NFKBID: variants seen among roughly 807,000 people sequenced by gnomAD.
NFKBID encodes the protein NFKB inhibitor delta, also known as NF-kappa-B inhibitor delta.
In NFKBID, 26 loss-of-function variants were observed where a neutral mutation model predicts 53.4. The observed-to-expected ratio is 0.49, with a 90% CI of 0.36 to 0.68. The LOEUF (loss-of-function observed/expected upper bound fraction) is 0.68. NFKBID is among the 30% of genes least tolerant of loss of function. The pLI, the probability that NFKBID is intolerant of heterozygous loss-of-function variation, is 0.00. For missense variants in NFKBID, 493 were observed against 614.1 expected (o/e 0.80, Z 2.08); for synonymous variants, 262 against 259.8 (o/e 1.01, Z -0.08).
exon 2 of NFKBID, chr19:35,898,767 T>G (rs1975371694): frequency 3.3e-6 from 5 of 1,536,112 alleles, no homozygotes; most frequent in Admixed American, 2.0e-5. Context: ...GCCTCTGCTC[T>G]TCCAGAAGCT....
At chr19:35,900,419 C>A (rs1975497029) in intron 1 of NFKBID, 23 bp downstream of exon 1, 1 of 1,230,548 alleles carries the variant, frequency 8.1e-7, no homozygotes, top group East Asian at 3.2e-5. Context: ...GGGGGCCGAA[C>A]GCGTCCTGCC....
At chr19:35,898,875 T>A (rs1226540764) in intron 1 of NFKBID, 53 bp from the exon 2 acceptor site, 1 of 1,413,418 alleles carries the variant, frequency 7.1e-7, no homozygotes, top group East Asian at 2.5e-5. Context: ...GTCACCTAAA[T>A]GCCGCGGGGG....
exon 1 of NFKBID, chr19:35,900,472 C>G: frequency 8.1e-7 from 1 of 1,231,918 alleles, no homozygotes; most frequent in South Asian, 4.1e-5. Flanking sequence ...GATTGCGGGC[C>G]CCCAGGGCCG....
chr19:35,900,514 C>T (rs1975502635), exon 1 of NFKBID: 2 of 1,231,722 alleles, frequency 1.6e-6, no homozygotes, highest in Non-Finnish European at 2.0e-6. Flanking sequence ...CTCGCTGTTT[C>T]CCCCGCGGAG....
At chr19:35,890,287 A>C (rs1428939575) in intron 10 of NFKBID, 87 bp downstream of exon 10, 7 of 985,294 alleles carry the variant, frequency 7.1e-6, no homozygotes, top group Non-Finnish European at 1.1e-5. Flanking sequence ...CGTCCCCTCC[A>C]CGTCCACAGC....
At chr19:35,891,579 T>A (rs1974764078) in intron 9 of NFKBID, among the ~76,000 whole-genome samples, 1 of 151,762 alleles carries the variant, frequency 6.6e-6, no homozygotes, top group Non-Finnish European at 1.5e-5. Context: ...TAAAAAGTTC[T>A]TTTTTTTCGA....
upstream of NFKBID, chr19:35,901,893 G>A: frequency 2.2e-6 from 1 of 446,324 alleles, no homozygotes; most frequent in Non-Finnish European, 4.1e-6. Flanking sequence ...TGCTCTCAGG[G>A]GTCCCCTCCC....
At chr19:35,891,730 G>C (rs1331949237) in intron 9 of NFKBID, among the ~76,000 whole-genome samples, 10 of 152,054 alleles carry the variant, frequency 6.6e-5, no homozygotes, top group Admixed American at 6.5e-4. Flanking sequence ...AGCCAGGCGT[G>C]GTGGCACATG....
Position 35,896,742 on chromosome 19 carries a change from C to T in NFKBID, c.668G>A (p.Arg223His), listed in dbSNP as rs749441531. ...AAGCCTCACCTTGCCCTTATGCTCA[C>T]GAATGTCAAGACGCCGGTACACCTG... Residue 223 changes from arginine (R) to histidine (H), a missense_variant, in exon 6 of 12, where the codon CGT becomes CAT. Arg to His is a conservative substitution (Grantham distance 29, BLOSUM62 0). This residue lies in a region of NFKBID where 267 missense variants were observed against 384.6 expected (regional missense o/e 0.69). Coordinates refer to ENST00000641389, the Ensembl canonical transcript of NFKBID. This position sits in a 1 kb window ranked among gnomAD's most constrained non-coding sequence, Gnocchi z 5.7. The T allele has an allele frequency of 7.4e-6, 12 of 1,613,660 alleles. No homozygotes were observed. The highest frequency in any genetic ancestry group is 5.3e-5 in the African/African-American group (4 of 74,882).
upstream of NFKBID, among the ~76,000 whole-genome samples, chr19:35,901,126 C>G (rs1051963502): frequency 6.6e-6 from 1 of 151,766 alleles, no homozygotes; most frequent in African/African-American, 2.4e-5. Context: ...AGCCATGGTG[C>G]CTGGCTGGGG....
At chr19:35,892,543 C>CAAAAAAAAAAAAAAAA (rs112001334) in intron 9 of NFKBID, among the ~76,000 whole-genome samples, 2 of 112,270 alleles carry the variant, frequency 1.8e-5, no homozygotes, top group African/African-American at 6.8e-5. Context: ...GACTCCATCT[C>CAAAAAAAAAAAAAAAA]AAAAAAAAAA....
chr19:35,890,176 C>A, intron 10 of NFKBID, 122 bp from the exon 11 acceptor site: 1 of 1,057,108 alleles, frequency 9.5e-7, no homozygotes, highest in Middle Eastern at 2.2e-4. Context: ...CAGACCTCCC[C>A]CGGCCACAGC....
chr19:35,890,078 G>T lies in NFKBID; in HGVS notation c.1150-24C>A, dbSNP rs1441516834. 1.9e-6 allele frequency: 3 copies of T among 1,583,912 alleles called. No homozygotes were observed. In the Admixed American group the frequency reaches 5.5e-5, roughly 29 times the overall value. ...GCCTGGAAAAGTAAGGGGAGGGCTGGTGGGGATCTGGGCTCAGCTGGCCCA... is the reference window on the plus strand; with the variant it reads ...GCCTGGAAAAGTAAGGGGAGGGCTGTTGGGGATCTGGGCTCAGCTGGCCCA... On this transcript the variant is annotated intron_variant, in intron 10 of 11. Coordinates refer to ENST00000641389, the Ensembl canonical transcript of NFKBID.
chr19:35,890,496 G>T lies in NFKBID; in HGVS notation c.1033-6C>A. 6.2e-7 allele frequency: 1 copy of T among 1,603,744 alleles called. No homozygotes were observed. The highest frequency in any genetic ancestry group is 1.1e-5 in the South Asian group (1 of 90,848). On this transcript the variant is annotated splice_polypyrimidine_tract_variant and splice_region_variant and intron_variant, in intron 9 of 11. Coordinates refer to ENST00000641389, the Ensembl canonical transcript of NFKBID. ...GTCTTGTTGCTCTTGATCTCCTGAG[G>T]GGAAGGGAATGGCAGAGGTCAGGGC... is the stretch of plus-strand genomic sequence containing the variant.
upstream of NFKBID, chr19:35,901,453 G>C: frequency 6.6e-6 from 1 of 152,304 alleles, no homozygotes; most frequent in Admixed American, 6.5e-5. Flanking sequence ...AACTAAGCAG[G>C]CAGGAATTCC....
chr19:35,897,737 C>T (rs1975283458), exon 4 of NFKBID: 2 of 1,612,804 alleles, frequency 1.2e-6, no homozygotes, highest in South Asian at 1.1e-5. Context: ...GCAGCAGAAG[C>T]AGGGCAAGAG....
intron 4 of NFKBID, 87 bp from the exon 5 acceptor site, chr19:35,897,145 T>C (rs764251682): frequency 7.1e-7 from 1 of 1,403,530 alleles, no homozygotes; most frequent in Admixed American, 2.4e-5. Context: ...CAGCTGAGAA[T>C]TCCTCCATCC....
At chr19:35,901,336 T>G (rs1975558945), upstream of NFKBID, among the ~76,000 whole-genome samples, 1 of 152,192 alleles carries the variant, frequency 6.6e-6, no homozygotes. Flanking sequence ...GTGGCTCAAT[T>G]TCTCCCTCTC....
Position 35,896,646 on chromosome 19 carries a change from C to G in NFKBID, c.684+80G>C. ...CCCCAGGAGCTCACCCCCCATTCCCCTCTTCTCTAGGATCCAGGGGTCCAG... is the reference window on the plus strand; with the variant it reads ...CCCCAGGAGCTCACCCCCCATTCCCGTCTTCTCTAGGATCCAGGGGTCCAG... On this transcript the variant is annotated intron_variant, in intron 6 of 11. Coordinates refer to ENST00000641389, the Ensembl canonical transcript of NFKBID. The surrounding 1 kb of genome is among the most constrained non-coding windows in gnomAD (Gnocchi z 5.7). The G allele has an allele frequency of 6.5e-7, 1 of 1,534,488 alleles. No individual in the cohort carries two copies. The highest frequency in any genetic ancestry group is 2.3e-5 in the East Asian group (1 of 43,636).
Sources: gnomAD v4.1 joint callset for allele counts (sites outside exome capture counted in the v4.1 genomes callset) on GRCh38, gnomAD v4.1.1 for gene constraint, gnomAD v4.1.1 regional missense constraint, Gnocchi (gnomAD v3.1) non-coding constraint, MANE v1.5 for transcripts, NCBI Gene and HGNC (gene_info 2026-07-23, HGNC 2026-07-21) for gene names.